The following FGF12 variants were observed in gnomAD, a reference collection of about 807,000 sequenced individuals.
FGF12 encodes the protein fibroblast growth factor 12B.
In FGF12, 14 loss-of-function variants were observed where a neutral mutation model predicts 23.6. That is an observed-to-expected ratio of 0.59 (90% CI 0.39 to 0.93). FGF12 has a LOEUF of 0.93. FGF12 is among the 40% of genes least tolerant of loss of function. FGF12 has a pLI of 0.00. For synonymous variants in FGF12, 62 were observed against 77.3 expected (o/e 0.80, Z 1.04); for missense variants, 175 against 217.8 (o/e 0.80, Z 1.24).
chr3:192,472,952 T>C (rs1723214054), intron 2 of FGF12, among the ~76,000 whole-genome samples: 1 of 152,226 alleles, frequency 6.6e-6, no homozygotes, highest in Non-Finnish European at 1.5e-5. Flanking sequence ...TCACCTGTTC[T>C]GAGAAGTCTC....
chr3:192,161,529 CACACACAT>C (rs983007047), intron 5 of FGF12, among the ~76,000 whole-genome samples: 3 of 145,466 alleles, frequency 2.1e-5, no homozygotes, highest in Non-Finnish European at 3.1e-5. Context: ...CACACACACA[CACACACAT>C]CACATCACAT....
At chr3:192,711,147 G>A (rs1718653198) in intron 2 of FGF12, among the ~76,000 whole-genome samples, 1 of 152,224 alleles carries the variant, frequency 6.6e-6, no homozygotes, top group Non-Finnish European at 1.5e-5. Flanking sequence ...ATGAAAGATA[G>A]AAATGAAAAC....
intron 2 of FGF12, among the ~76,000 whole-genome samples, chr3:192,674,146 C>G (rs145144104): frequency 2.8e-5 from 4 of 140,778 alleles, no homozygotes; most frequent in African/African-American, 9.8e-5. Context: ...ATCCCTAGAA[C>G]AACCCATGGG....
chr3:192,671,464 C>T (rs928790014), intron 2 of FGF12, among the ~76,000 whole-genome samples: 1 of 152,218 alleles, frequency 6.6e-6, no homozygotes, highest in South Asian at 2.1e-4. Flanking sequence ...GTCATGTTCT[C>T]TAATCACCAG....
intron 1 of FGF12, 23 bp downstream of exon 1, chr3:192,727,461 G>GT: frequency 1.5e-6 from 1 of 687,654 alleles, no homozygotes; most frequent in Non-Finnish European, 2.2e-6. Context: ...TGCCCGCTCA[G>GT]ATTTTTTTTT....
intron 4 of FGF12, among the ~76,000 whole-genome samples, chr3:192,311,892 G>A (rs962468876): frequency 1.3e-5 from 2 of 151,904 alleles, no homozygotes; most frequent in Non-Finnish European, 2.9e-5. Flanking sequence ...ATGGCTAATG[G>A]TGTTGAGTAC....
At position 192,653,977 on chromosome 3, in the gene FGF12, T is replaced by C. The variant is rs536655883; in HGVS notation, c.13+73204A>G. Among the ~76,000 whole-genome samples the C allele has an allele frequency of 9.9e-4, 150 of 152,284 alleles. 1 individual carries two copies. The highest frequency in any genetic ancestry group is 3.4e-3 in the African/African-American group (142 of 41,564). ...CTGACCTCAGTTGATCTACCTGCCTTGGCCTCCCAAAATGCTGGGATTACA... is the reference window on the plus strand; with the variant it reads ...CTGACCTCAGTTGATCTACCTGCCTCGGCCTCCCAAAATGCTGGGATTACA... On this transcript the variant is annotated intron_variant, in intron 2 of 5. Coordinates refer to ENST00000445105, the MANE Select transcript of FGF12 (RefSeq NM_004113.6).
At chr3:192,623,304 C>T (rs1343708745) in intron 2 of FGF12, among the ~76,000 whole-genome samples, 1 of 152,054 alleles carries the variant, frequency 6.6e-6, no homozygotes, top group Non-Finnish European at 1.5e-5. Context: ...TTAAGCAAGC[C>T]AAATATGCTT....
Position 192,144,061 on chromosome 3 carries a change from G to C in FGF12, c.494C>G (p.Ser165Cys), listed in dbSNP as rs1713556638. The C allele has an allele frequency of 6.2e-7, 1 of 1,613,758 alleles. No individual in the cohort carries two copies. The highest frequency in any genetic ancestry group is 8.5e-7 in the Non-Finnish European group (1 of 1,179,744). The change falls in exon 6 of 6, where the codon TCT becomes TGT. Residue 165 changes from serine (S) to cysteine (C), a missense_variant. By Grantham distance (112) the Ser-to-Cys change is moderately radical (BLOSUM62 -1). Transcript: ENST00000445105. ...GCCTCCATTCATGGTTGGTGTTCCAGAACTTTTCCTTGAACGCCCTTGTTT... is the reference window on the plus strand; with the variant it reads ...GCCTCCATTCATGGTTGGTGTTCCACAACTTTTCCTTGAACGCCCTTGTTT... Reference protein sequence around the residue: ...GEKQGRSRKSSGTPTMNGGKV... With the variant: ...GEKQGRSRKSCGTPTMNGGKV...
At chr3:192,561,369 CTT>C (rs1236107420) in intron 2 of FGF12, among the ~76,000 whole-genome samples, 1 of 146,742 alleles carries the variant, frequency 6.8e-6, no homozygotes, top group Admixed American at 6.8e-5. Context: ...CTTCACTTTT[CTT>C]TTTTTTTTTG....
At chr3:192,164,614 AAAC>A (rs1417860060) in intron 5 of FGF12, among the ~76,000 whole-genome samples, 1 of 152,140 alleles carries the variant, frequency 6.6e-6, no homozygotes, top group Non-Finnish European at 1.5e-5. Context: ...AAGCAGGAAA[AAAC>A]AAAAGAACAA....
chr3:192,175,860 C>T (rs1206876246), intron 4 of FGF12, among the ~76,000 whole-genome samples: 1 of 152,150 alleles, frequency 6.6e-6, no homozygotes, highest in Non-Finnish European at 1.5e-5. Context: ...GTTTCATACT[C>T]TACCTTGATT....
At chr3:192,564,038 T>TG (rs1491185911) in intron 2 of FGF12, among the ~76,000 whole-genome samples, 4 of 94,842 alleles carry the variant, frequency 4.2e-5, no homozygotes, top group South Asian at 3.3e-4. Flanking sequence ...TAGTTTTTTG[T>TG]TTTTTTTTGT....
At chr3:192,366,183 G>A (rs1372496152) in intron 2 of FGF12, among the ~76,000 whole-genome samples, 1 of 152,048 alleles carries the variant, frequency 6.6e-6, no homozygotes, top group Non-Finnish European at 1.5e-5. Context: ...AGGGAGAAGA[G>A]AGGAGAGAAT....
chr3:192,516,483 T>C (rs1194787824), intron 2 of FGF12: 1 of 152,272 alleles, frequency 6.6e-6, no homozygotes, highest in East Asian at 1.9e-4. Flanking sequence ...TTATATAGGC[T>C]AAACATTCGC....
At chr3:192,359,018 G>C (rs961233353) in intron 3 of FGF12, among the ~76,000 whole-genome samples, 3 of 152,168 alleles carry the variant, frequency 2.0e-5, no homozygotes, top group Admixed American at 2.0e-4. Context: ...TCGACATTCA[G>C]TTACAGACGC....
intron 2 of FGF12, among the ~76,000 whole-genome samples, chr3:192,481,484 C>T (rs1049423418): frequency 2.0e-5 from 3 of 152,130 alleles, no homozygotes; most frequent in Non-Finnish European, 2.9e-5. Flanking sequence ...TAATCCTATG[C>T]ATCTTGTTTG....
intron 4 of FGF12, among the ~76,000 whole-genome samples, chr3:192,302,494 C>G (rs771847428): frequency 6.6e-6 from 1 of 152,098 alleles, no homozygotes; most frequent in Non-Finnish European, 1.5e-5. Flanking sequence ...ATAATGTGCA[C>G]TTACTAATTC....
intron 4 of FGF12, among the ~76,000 whole-genome samples, chr3:192,228,488 T>C (rs566829691): frequency 1.0e-3 from 157 of 152,238 alleles, no homozygotes; most frequent in Non-Finnish European, 1.9e-3. Flanking sequence ...TTTATCTATG[T>C]AGCAAAGCTT....
Sources: allele counts gnomAD v4.1 joint callset (sites outside exome capture counted in the v4.1 genomes callset), GRCh38; gene constraint gnomAD v4.1.1; transcripts MANE v1.5; gene names NCBI Gene and HGNC (gene_info 2026-07-23, HGNC 2026-07-21).